RAP1B: variants seen among roughly 807,000 people sequenced by gnomAD.
RAP1B encodes RAP1B, member of RAS oncogene family.
In RAP1B, 1 loss-of-function variant was observed where a neutral mutation model predicts 27.5. That is an observed-to-expected ratio of 0.04 (90% confidence interval 0.01 to 0.17). The LOEUF (loss-of-function observed/expected upper bound fraction) is 0.17. Among genes scored for constraint, RAP1B ranks in the 10% least tolerant of loss-of-function variants. The probability of loss-of-function intolerance (pLI) is 1.00; values close to 1 mark genes in which losing one functional copy is unlikely to be tolerated. For synonymous variants in RAP1B, 75 were observed against 73.1 expected (o/e 1.03, Z -0.13); for missense variants, 84 against 214.8 (o/e 0.39, Z 3.81).
chr12:68,627,355 A>T, intron 1 of RAP1B: 1 of 717,662 alleles, frequency 1.4e-6, no homozygotes, highest in Non-Finnish European at 2.5e-6. Flanking sequence ...AAAGGAACTC[A>T]GTTGGCTTAA....
At chr12:68,635,638 A>G (rs987136109) in intron 1 of RAP1B, among the ~76,000 whole-genome samples, 4 of 151,288 alleles carry the variant, frequency 2.6e-5, no homozygotes, top group Non-Finnish European at 4.4e-5. Flanking sequence ...GTATTTTGGT[A>G]GAGACGGGGT....
intron 1 of RAP1B, among the ~76,000 whole-genome samples, chr12:68,617,773 TA>T (rs973023434): frequency 6.7e-6 from 1 of 149,854 alleles, no homozygotes; most frequent in African/African-American, 2.5e-5. Context: ...AGTAATGTAC[TA>T]TTTTTTTTTT....
Position 68,659,270 on chromosome 12 carries a change from C to G in RAP1B, c.*31-10C>G, listed in dbSNP as rs968129776. ...CCCATGTTTTTAATTAATTTTTTTCCTTTTGACAGGTCTGAAGAACTGTTG... is the reference window on the plus strand; with the variant it reads ...CCCATGTTTTTAATTAATTTTTTTCGTTTTGACAGGTCTGAAGAACTGTTG... On this transcript the variant is annotated splice_polypyrimidine_tract_variant and intron_variant, in intron 7 of 7. Coordinates refer to ENST00000250559, the MANE Select transcript of RAP1B (RefSeq NM_001010942.3). 3 of 455,268 alleles carry G rather than the reference C, an allele frequency of 6.6e-6. No individual in the cohort carries two copies. In the East Asian group the frequency reaches 2.1e-4, roughly 32 times the overall value. 28.2% of individuals were successfully genotyped at this position (455,268 alleles called of 1,614,324 possible).
At chr12:68,627,198 A>G in intron 1 of RAP1B, 3 of 1,529,850 alleles carry the variant, frequency 2.0e-6, no homozygotes, top group Non-Finnish European at 2.7e-6. Context: ...ACACTGGGGT[A>G]GTGCAAGGTC....
intron 1 of RAP1B, among the ~76,000 whole-genome samples, chr12:68,633,872 A>G (rs1185102385): frequency 6.6e-6 from 1 of 152,216 alleles, no homozygotes; most frequent in Non-Finnish European, 1.5e-5. Context: ...TCTGTCTCAA[A>G]AAAACAAAAA....
chr12:68,650,285 G>GT (rs144762653), intron 2 of RAP1B, 115 bp from the exon 3 acceptor site: 21,197 of 874,574 alleles, frequency 0.024, no homozygotes, highest in South Asian at 0.037. Context: ...ATTGGCTGTG[G>GT]TTTTTTTTTT....
At chr12:68,624,299 CACT>C (rs1481902660) in intron 1 of RAP1B, among the ~76,000 whole-genome samples, 6 of 152,130 alleles carry the variant, frequency 3.9e-5, no homozygotes, top group African/African-American at 1.4e-4. Flanking sequence ...GCCTAACAAA[CACT>C]AACATTTTTT....
At chr12:68,648,565 A>G in intron 1 of RAP1B, 134 bp from the exon 2 acceptor site, 2 of 675,734 alleles carry the variant, frequency 3.0e-6, no homozygotes, top group Non-Finnish European at 4.9e-6. Flanking sequence ...AAGTCTGCTT[A>G]TAGGGTGCTC....
intron 1 of RAP1B, among the ~76,000 whole-genome samples, chr12:68,644,407 C>G (rs1019887700): frequency 6.6e-6 from 1 of 151,896 alleles, no homozygotes; most frequent in African/African-American, 2.4e-5. Context: ...GCGGTGAAAC[C>G]CCGTCTCTAC....
Position 68,636,175 on chromosome 12 carries a change from A to G in RAP1B, c.-26-12524A>G, listed in dbSNP as rs541373614. Among the ~76,000 whole-genome samples the G allele has an allele frequency of 1.8e-3, 280 of 152,254 alleles. 1 individual carries two copies. The highest frequency in any genetic ancestry group is 6.4e-3 in the African/African-American group (264 of 41,556). On this transcript the variant is annotated intron_variant, in intron 1 of 7. Transcript: ENST00000250559. ...CCTGGTATTACAGGCATGAGCCATG[A>G]CAGTCAGCTATTTTTTTTGGCATAT...
chr12:68,626,703 G>A (rs1871803794), intron 1 of RAP1B, among the ~76,000 whole-genome samples: 1 of 151,992 alleles, frequency 6.6e-6, no homozygotes. Flanking sequence ...CTAGTAGACA[G>A]CCCCTAATAT....
intron 1 of RAP1B, among the ~76,000 whole-genome samples, chr12:68,646,055 G>T (rs1293710797): frequency 6.6e-6 from 1 of 152,174 alleles, no homozygotes; most frequent in African/African-American, 2.4e-5. Flanking sequence ...ATGGATAAAT[G>T]AAGCAGCTGG....
intron 1 of RAP1B, among the ~76,000 whole-genome samples, chr12:68,645,568 G>A (rs773357148): frequency 5.3e-5 from 8 of 152,156 alleles, no homozygotes; most frequent in Non-Finnish European, 1.0e-4. Flanking sequence ...TCACAAATAC[G>A]CTATACAAAT....
chr12:68,655,455 A>C (rs774457978), intron 5 of RAP1B, among the ~76,000 whole-genome samples: 4 of 152,024 alleles, frequency 2.6e-5, no homozygotes, highest in Non-Finnish European at 4.4e-5. Context: ...ACCCTACATA[A>C]TTACAGCAAC....
At chr12:68,650,267 A>C in intron 2 of RAP1B, 133 bp from the exon 3 acceptor site, 1 of 756,126 alleles carries the variant, frequency 1.3e-6, no homozygotes, top group Non-Finnish European at 1.9e-6. Flanking sequence ...TACACATTCG[A>C]ATGTAGTATT....
intron 1 of RAP1B, among the ~76,000 whole-genome samples, chr12:68,613,314 C>T (rs1336062276): frequency 6.7e-6 from 1 of 150,004 alleles, no homozygotes; most frequent in African/African-American, 2.5e-5. Context: ...CAGCTTGAAC[C>T]TGGGAGGCGG....
chr12:68,655,866 G>A (rs1874168495), intron 5 of RAP1B, among the ~76,000 whole-genome samples: 2 of 152,112 alleles, frequency 1.3e-5, no homozygotes, highest in African/African-American at 4.8e-5. Flanking sequence ...AAGACTATGA[G>A]AAACTAAAAA....
At chr12:68,653,885 C>G (rs1431916403) in intron 4 of RAP1B, among the ~76,000 whole-genome samples, 3 of 151,582 alleles carry the variant, frequency 2.0e-5, no homozygotes, top group South Asian at 2.1e-4. Context: ...GAGCCGAGGT[C>G]GCGCCACTGC....
intron 1 of RAP1B, among the ~76,000 whole-genome samples, chr12:68,623,724 A>T (rs889933584): frequency 6.6e-6 from 1 of 152,260 alleles, no homozygotes; most frequent in African/African-American, 2.4e-5. Flanking sequence ...CAGAATTTCT[A>T]TAAGAAGTCG....
Sources: allele counts gnomAD v4.1 joint callset (sites outside exome capture counted in the v4.1 genomes callset), GRCh38; gene constraint gnomAD v4.1.1; transcripts MANE v1.5; gene names NCBI Gene and HGNC (gene_info 2026-07-23, HGNC 2026-07-21).